Variants in SDK1 observed in about 807,000 individuals in gnomAD.
SDK1 encodes the protein protein sidekick-1.
SDK1 carries 157 observed loss-of-function variants against 245.5 expected under a neutral mutation model. The ratio of observed to expected loss-of-function variants is 0.64; its 90% CI spans 0.56 to 0.73. The LOEUF (loss-of-function observed/expected upper bound fraction) is 0.73. SDK1 is among the 30% of genes least tolerant of loss of function. SDK1 has a pLI of 0.00. For synonymous variants in SDK1, 1,647 were observed against 1,278.5 expected (o/e 1.29, Z -6.15); for missense variants, 3,583 against 3,002.3 (o/e 1.19, Z -4.52).
intron 5 of SDK1, among the ~76,000 whole-genome samples, chr7:3,852,797 T>C (rs927834125): frequency 6.6e-6 from 1 of 151,224 alleles, no homozygotes; most frequent in Non-Finnish European, 1.5e-5. Context: ...TGAAATTTGC[T>C]TTTAAAAACA....
chr7:3,619,496 A>T (rs141527518), intron 2 of SDK1, among the ~76,000 whole-genome samples: 1 of 152,240 alleles, frequency 6.6e-6, no homozygotes, highest in East Asian at 1.9e-4. Context: ...ACAAAAACCT[A>T]TGGTTACAGA....
intron 7 of SDK1, 56 bp downstream of exon 7, chr7:3,951,976 G>A: frequency 6.7e-7 from 1 of 1,484,822 alleles, no homozygotes; most frequent in East Asian, 2.3e-5. Context: ...ATCCGACACT[G>A]ACTCTTCTGC....
At chr7:3,504,182 ATGTGTGTGTGTGTGTGTG>A (rs56306302) in intron 1 of SDK1, among the ~76,000 whole-genome samples, 1 of 131,886 alleles carries the variant, frequency 7.6e-6, no homozygotes, top group Non-Finnish European at 1.6e-5. Flanking sequence ...ATATATATAT[ATGTGTGTGTGTGTGTGTG>A]TGTGTGTGTG....
intron 17 of SDK1, among the ~76,000 whole-genome samples, chr7:4,034,868 A>T (rs1379583185): frequency 1.3e-5 from 2 of 152,240 alleles, no homozygotes; most frequent in Admixed American, 6.5e-5. Context: ...TTCGAGAACT[A>T]GAGCTATGGG....
chr7:3,969,197 A>G (rs183412356), intron 10 of SDK1, 60 bp from the exon 11 acceptor site: 34 of 1,396,994 alleles, frequency 2.4e-5, no homozygotes, highest in East Asian at 1.3e-4. Context: ...TCTAACCACT[A>G]TCTTCATTTC....
At chr7:3,396,371 T>G (rs916890615) in intron 1 of SDK1, among the ~76,000 whole-genome samples, 2 of 151,904 alleles carry the variant, frequency 1.3e-5, no homozygotes, top group Non-Finnish European at 2.9e-5. Context: ...GCTGCTGTTG[T>G]GTGGAGTGTG....
intron 1 of SDK1, among the ~76,000 whole-genome samples, chr7:3,568,436 G>T (rs1779997142): frequency 6.6e-6 from 1 of 152,048 alleles, no homozygotes; most frequent in Middle Eastern, 3.4e-3. Context: ...TTTCTCACTA[G>T]ATTTTAGTTT....
intron 1 of SDK1, among the ~76,000 whole-genome samples, chr7:3,342,512 C>G (rs1390501561): frequency 6.6e-6 from 1 of 151,934 alleles, no homozygotes; most frequent in Non-Finnish European, 1.5e-5. Flanking sequence ...CGCTTGAACC[C>G]AGGAGGTGGA....
chr7:4,263,485 T>TCTCTCCTGAGTGGGGAGGCCACGTAGAC (rs1788193786), intron 44 of SDK1, among the ~76,000 whole-genome samples: 1 of 93,948 alleles, frequency 1.1e-5, no homozygotes, highest in Non-Finnish European at 2.2e-5. Flanking sequence ...TCCGCGTAGA[T>TCTCTCCTGAGTGGGGAGGCCACGTAGAC]CTCTCCTGAG....
intron 5 of SDK1, among the ~76,000 whole-genome samples, chr7:3,829,908 G>C (rs981102406): frequency 5.3e-5 from 8 of 152,182 alleles, no homozygotes; most frequent in African/African-American, 1.7e-4. Context: ...AGCAAACACA[G>C]GTTTGGCTCA....
intron 1 of SDK1, among the ~76,000 whole-genome samples, chr7:3,409,276 C>A (rs911158548): frequency 6.2e-5 from 9 of 146,086 alleles, no homozygotes; most frequent in African/African-American, 2.3e-4. Context: ...TTATGATGGT[C>A]TGTTTTAAGA....
chr7:3,894,702 T>C (rs897973995), intron 5 of SDK1, among the ~76,000 whole-genome samples: 1 of 149,252 alleles, frequency 6.7e-6, no homozygotes, highest in Non-Finnish European at 1.5e-5. Context: ...TTTTTTCTTT[T>C]TTTTTTTTTT....
chr7:4,101,634 T>G (rs926229796), intron 22 of SDK1, among the ~76,000 whole-genome samples: 5 of 152,134 alleles, frequency 3.3e-5, no homozygotes, highest in Non-Finnish European at 5.9e-5. Context: ...CAGAGGACGA[T>G]GGTGTCGTGA....
intron 22 of SDK1, among the ~76,000 whole-genome samples, chr7:4,079,998 C>G (rs1780951653): frequency 6.6e-6 from 1 of 152,216 alleles, no homozygotes; most frequent in Non-Finnish European, 1.5e-5. Context: ...ATTGTTCTAT[C>G]AGCAGGCACT....
At chr7:4,038,339 C>A (rs1411355603) in intron 17 of SDK1, among the ~76,000 whole-genome samples, 1 of 152,170 alleles carries the variant, frequency 6.6e-6, no homozygotes, top group Non-Finnish European at 1.5e-5. Context: ...AAACTCTTCA[C>A]GCCCAGAGTC....
intron 5 of SDK1, among the ~76,000 whole-genome samples, chr7:3,851,500 C>T (rs1256349143): frequency 6.6e-6 from 1 of 152,040 alleles, no homozygotes; most frequent in Admixed American, 6.6e-5. Context: ...CCAAGTTTTC[C>T]CTTTTCCTTA....
chr7:4,134,831 C>G (rs1296009932), intron 28 of SDK1: 1 of 152,412 alleles, frequency 6.6e-6, no homozygotes, highest in African/African-American at 2.4e-5. Context: ...CTGTGCTTCT[C>G]TCTTGCCACA....
chr7:3,794,027 C>G (rs1253667469), intron 4 of SDK1, among the ~76,000 whole-genome samples: 1 of 152,194 alleles, frequency 6.6e-6, no homozygotes, highest in South Asian at 2.1e-4. Context: ...AGACTTACCA[C>G]ATGCCAAATA....
intron 4 of SDK1, among the ~76,000 whole-genome samples, chr7:3,644,447 C>G (rs1372418749): frequency 6.6e-6 from 1 of 151,492 alleles, no homozygotes; most frequent in South Asian, 2.1e-4. Flanking sequence ...ATTTTTCATT[C>G]TTAGTAGACT....
Sources: allele counts gnomAD v4.1 joint callset (sites outside exome capture counted in the v4.1 genomes callset), GRCh38; gene constraint gnomAD v4.1.1; transcripts MANE v1.5; gene names NCBI Gene and HGNC (gene_info 2026-07-23, HGNC 2026-07-21).